The following RBFOX1 variants were observed in gnomAD, a reference collection of about 807,000 sequenced individuals.
RBFOX1 encodes the protein RNA binding protein fox-1 homolog 1.
In RBFOX1, 8 loss-of-function variants were observed where a neutral mutation model predicts 57.7. That is an observed-to-expected ratio of 0.14 (90% CI 0.08 to 0.25). The LOEUF (loss-of-function observed/expected upper bound fraction) is 0.25. RBFOX1 is among the 10% of genes least tolerant of loss of function. The pLI, the probability that RBFOX1 is intolerant of heterozygous loss-of-function variation, is 1.00. For synonymous variants in RBFOX1, 326 were observed against 222.4 expected (o/e 1.47, Z -4.15); for missense variants, 611 against 548.5 (o/e 1.11, Z -1.14).
rs374899938 is a variant in RBFOX1, at chr16:5,517,315, A to T, written c.258+50061A>T. On this transcript the variant is annotated intron_variant, in intron 2 of 2. Coordinates refer to the RBFOX1 transcript ENST00000585867. ...CTTCTCAGGGGCTGTGTGGACTGCC[A>T]TCCCTGTTTTTCTGCTCAGCTACTT... Among the ~76,000 whole-genome samples, 26 of 152,020 alleles carry T rather than the reference A, an allele frequency of 1.7e-4. 1 individual carries two copies. Among genetic ancestry groups the T allele is most frequent in the Middle Eastern group, 3.4e-3 (1 of 294 alleles).
chr16:7,059,618 G>A (rs1322340601), intron 4 of RBFOX1, among the ~76,000 whole-genome samples: 1 of 152,156 alleles, frequency 6.6e-6, no homozygotes, highest in Non-Finnish European at 1.5e-5. Context: ...ATGAATAGAA[G>A]AAGCTTACCT....
intron 4 of RBFOX1, among the ~76,000 whole-genome samples, chr16:5,974,550 C>A (rs544996054): frequency 6.6e-6 from 1 of 152,168 alleles, no homozygotes; most frequent in Admixed American, 6.5e-5. Context: ...GCGGAGGTTG[C>A]AGTGAGCTGA....
intron 2 of RBFOX1, among the ~76,000 whole-genome samples, chr16:6,492,603 A>T (rs556185226): frequency 8.7e-5 from 13 of 149,076 alleles, no homozygotes; most frequent in East Asian, 5.8e-4. Context: ...TAAATAAATA[A>T]GTATGTACTT....
At chr16:5,527,763 T>C (rs2044301909) in intron 2 of RBFOX1, among the ~76,000 whole-genome samples, 1 of 152,154 alleles carries the variant, frequency 6.6e-6, no homozygotes, top group Non-Finnish European at 1.5e-5. Context: ...GTACCTTGCA[T>C]CTAAGGGACG....
At chr16:5,801,261 GATCT>G (rs1229234662) in intron 3 of RBFOX1, among the ~76,000 whole-genome samples, 1 of 151,502 alleles carries the variant, frequency 6.6e-6, no homozygotes, top group East Asian at 1.9e-4. Flanking sequence ...AAATTAGGCT[GATCT>G]ATCTAATTTA....
intron 3 of RBFOX1, among the ~76,000 whole-genome samples, chr16:5,705,949 T>C (rs758471596): frequency 6.6e-6 from 1 of 152,220 alleles, no homozygotes; most frequent in Non-Finnish European, 1.5e-5. Context: ...CTTGCTCTGT[T>C]GCCCACGATG....
chr16:6,174,631 G>A (rs1183359688), intron 1 of RBFOX1, among the ~76,000 whole-genome samples: 1 of 152,036 alleles, frequency 6.6e-6, no homozygotes, highest in African/African-American at 2.4e-5. Context: ...ATAAAGAAAA[G>A]AAAAATATAA....
intron 4 of RBFOX1, among the ~76,000 whole-genome samples, chr16:7,266,115 C>T (rs1384558054): frequency 2.0e-5 from 3 of 151,922 alleles, no homozygotes; most frequent in Non-Finnish European, 4.4e-5. Context: ...GCTGGGACTA[C>T]AGGCGCTCGC....
chr16:7,216,264 G>C (rs1418102244), intron 4 of RBFOX1, among the ~76,000 whole-genome samples: 1 of 152,202 alleles, frequency 6.6e-6, no homozygotes, highest in Non-Finnish European at 1.5e-5. Flanking sequence ...ACATCGGAAA[G>C]TCCAGGTTCT....
chr16:6,190,787 G>T (rs912515531), intron 1 of RBFOX1, among the ~76,000 whole-genome samples: 2 of 152,104 alleles, frequency 1.3e-5, no homozygotes, highest in African/African-American at 4.8e-5. Context: ...CATGGCTTAT[G>T]TATTTTATCT....
At chr16:7,173,970 T>C (rs2081197793) in intron 4 of RBFOX1, among the ~76,000 whole-genome samples, 1 of 152,198 alleles carries the variant, frequency 6.6e-6, no homozygotes, top group Admixed American at 6.5e-5. Context: ...ACAAACCATT[T>C]GGTCTTCCAA....
chr16:7,361,583 G>C (rs933477199), intron 4 of RBFOX1, among the ~76,000 whole-genome samples: 1 of 152,118 alleles, frequency 6.6e-6, no homozygotes, highest in African/African-American at 2.4e-5. Flanking sequence ...AGCTGTTCCC[G>C]GCCTTGTTTC....
At chr16:7,353,061 G>A (rs1011652350) in intron 4 of RBFOX1, among the ~76,000 whole-genome samples, 1 of 152,108 alleles carries the variant, frequency 6.6e-6, no homozygotes, top group Non-Finnish European at 1.5e-5. Flanking sequence ...TTGTGCATGA[G>A]TTACATAGTG....
chr16:6,935,426 C>A (rs191939587), intron 3 of RBFOX1, among the ~76,000 whole-genome samples: 1 of 152,258 alleles, frequency 6.6e-6, no homozygotes, highest in Admixed American at 6.5e-5. Flanking sequence ...AAAAGGAAAT[C>A]TTTTTCTCTC....
intron 1 of RBFOX1, among the ~76,000 whole-genome samples, chr16:6,296,647 C>G (rs557330025): frequency 6.6e-6 from 1 of 152,272 alleles, no homozygotes; most frequent in South Asian, 2.1e-4. Flanking sequence ...GTCTCGATCT[C>G]CTGACCTTGT....
intron 2 of RBFOX1, among the ~76,000 whole-genome samples, chr16:5,486,927 C>T (rs1017896357): frequency 2.6e-5 from 4 of 152,148 alleles, no homozygotes; most frequent in African/African-American, 9.7e-5. Context: ...TCTCTCAGAC[C>T]TGATTCCCTT....
intron 4 of RBFOX1, among the ~76,000 whole-genome samples, chr16:7,197,242 AAATG>A (rs1286149856): frequency 6.6e-6 from 1 of 152,146 alleles, no homozygotes; most frequent in African/African-American, 2.4e-5. Context: ...GGGATGAAGA[AAATG>A]AATAAGGAAA....
In RBFOX1 at chr16:5,432,422, G is replaced by A. The variant is rs142923550; in HGVS notation, c.220-34794G>A. Among the ~76,000 whole-genome samples, 99 of 151,940 alleles carry A rather than the reference G, an allele frequency of 6.5e-4. 2 individuals carry two copies. In the East Asian group the frequency reaches 0.014, roughly 21 times the overall value. On this transcript the variant is annotated intron_variant, in intron 1 of 2. Transcript: ENST00000585867. ...TGTAATTTAACTAGAAGACGCACCC[G>A]TATTTATTGTCCGTCATTATCCCTT...
chr16:6,209,396 G>T (rs1015907642), intron 1 of RBFOX1, among the ~76,000 whole-genome samples: 12 of 8,850 alleles, frequency 1.4e-3, no homozygotes, highest in Admixed American at 3.3e-3. Flanking sequence ...AATAAACAAA[G>T]AATGTACATC....
Sources: allele counts gnomAD v4.1 joint callset (sites outside exome capture counted in the v4.1 genomes callset), GRCh38; gene constraint gnomAD v4.1.1; transcripts MANE v1.5; gene names NCBI Gene and HGNC (gene_info 2026-07-23, HGNC 2026-07-21).